Variants in RBMS3 observed in about 807,000 individuals in gnomAD.
The protein encoded by RBMS3 is RNA-binding motif, single-stranded-interacting protein 3.
Under a neutral mutation model 66.8 loss-of-function variants are expected in RBMS3, and 27 were observed. The observed-to-expected ratio is 0.40, with a 90% CI of 0.30 to 0.56. RBMS3 has a LOEUF of 0.56. Among genes scored for constraint, RBMS3 ranks in the 20% least tolerant of loss-of-function variants. The pLI, the probability that RBMS3 is intolerant of heterozygous loss-of-function variation, is 0.40. For synonymous variants in RBMS3, 188 were observed against 183.0 expected, an observed-to-expected ratio of 1.03 and a Z score of -0.22; for missense variants, 513 against 549.5, an observed-to-expected ratio of 0.93 and a Z score of 0.66.
In RBMS3 at chr3:29,671,693, A is replaced by G. The variant is rs532766016; in HGVS notation, c.400-68027A>G. 2.0e-5 allele frequency among the ~76,000 whole-genome samples: 3 copies of G among 152,350 alleles called. No individual in the cohort carries two copies. The East Asian group carries it at 5.8e-4, about 29-fold the overall frequency. ...GAAGAAAGGGTATCAGTGATTGAAG[A>G]TCAAATTAATGAAATGAAGCGAGAA... On this transcript the variant is annotated intron_variant, in intron 4 of 14. Transcript: ENST00000383767.
intron 3 of RBMS3, among the ~76,000 whole-genome samples, chr3:29,563,829 A>C (rs2046641056): frequency 6.6e-6 from 1 of 152,024 alleles, no homozygotes; most frequent in South Asian, 2.1e-4. Context: ...GTTAAAGAGC[A>C]GTCTGGGCAA....
chr3:29,885,342 T>C (rs1193460351), intron 8 of RBMS3, among the ~76,000 whole-genome samples: 2 of 151,882 alleles, frequency 1.3e-5, no homozygotes, highest in African/African-American at 4.8e-5. Flanking sequence ...ATATATCCAA[T>C]AGGCATTTAC....
chr3:29,333,591 G>T (rs977228693), intron 1 of RBMS3, among the ~76,000 whole-genome samples: 8 of 152,148 alleles, frequency 5.3e-5, no homozygotes, highest in African/African-American at 1.9e-4. Context: ...AGGTGATTTA[G>T]TATAGTCCCT....
At chr3:29,924,055 G>T (rs1224948697) in intron 10 of RBMS3, among the ~76,000 whole-genome samples, 1 of 152,150 alleles carries the variant, frequency 6.6e-6, no homozygotes, top group Non-Finnish European at 1.5e-5. Context: ...CAAACTGATT[G>T]CAAATAAATG....
rs562134860 is a variant in RBMS3 at position 29,370,146 on chromosome 3, A to T, written c.76-64597A>T. ...GTCTATAGATGTAAAGAATTTGAAC[A>T]ACCAAGTTGTCTCGTATTTTCTCTA... On this transcript the variant is annotated intron_variant, in intron 1 of 14. Coordinates refer to ENST00000383767, the MANE Select transcript of RBMS3 (RefSeq NM_001003793.3). 7.2e-5 allele frequency among the ~76,000 whole-genome samples: 11 copies of T among 152,332 alleles called. No individual in the cohort carries two copies. The South Asian group carries it at 2.3e-3, about 32-fold the overall frequency.
intron 4 of RBMS3, among the ~76,000 whole-genome samples, chr3:29,631,472 C>T (rs1360957569): frequency 6.6e-6 from 1 of 151,676 alleles, no homozygotes; most frequent in African/African-American, 2.4e-5. Context: ...GTTCAAATTT[C>T]CATAGAAGAT....
Position 29,988,144 on chromosome 3 carries a change from A to T in RBMS3, c.1100A>T (p.Tyr367Phe). ...IMILHQLLCQ[Y>F]MTAAAPMQGT... ...GCATTTTTCTTTGATTCTCTCTAGT[A>T]TATGACTGCTGCTGCTCCTATGCAA... The change falls in exon 13 of 15, where the codon TAT becomes TTT. Residue 367 changes from tyrosine to phenylalanine, a missense_variant and splice_region_variant. Coordinates refer to ENST00000383767, the MANE Select transcript of RBMS3 (RefSeq NM_001003793.3). The T allele has an allele frequency of 4.3e-6, 7 of 1,610,298 alleles. No homozygotes were observed. The highest frequency in any genetic ancestry group is 5.9e-6 in the Non-Finnish European group (7 of 1,176,614).
chr3:29,663,675 A>G (rs1351903901), intron 4 of RBMS3, among the ~76,000 whole-genome samples: 1 of 152,128 alleles, frequency 6.6e-6, no homozygotes, highest in Non-Finnish European at 1.5e-5. Context: ...AGCTTCTGTT[A>G]TTTTTCTGAC....
rs745358858 is a variant in RBMS3, at chr3:29,580,613, G to GT, written c.308-6492dup. On this transcript the variant is annotated intron_variant, in intron 3 of 14. Transcript: ENST00000383767. ...CTTTGTCAAGAAAAGCCATGTTAGA[G>GT]TTTTTTTTTCCTTACAGCATCTGGC... 9.6e-4 allele frequency among the ~76,000 whole-genome samples: 145 copies of GT among 150,286 alleles called. 2 individuals are homozygous for GT. The East Asian group carries it at 0.014, about 15-fold the overall frequency.
chr3:29,502,316 A>G (rs547802521), intron 3 of RBMS3, among the ~76,000 whole-genome samples: 8 of 152,192 alleles, frequency 5.3e-5, no homozygotes, highest in South Asian at 2.1e-4. Flanking sequence ...CAAACATCAA[A>G]TGGTCATCCA....
chr3:29,567,869 T>C (rs1245327791), intron 3 of RBMS3, among the ~76,000 whole-genome samples: 1 of 152,186 alleles, frequency 6.6e-6, no homozygotes, highest in Non-Finnish European at 1.5e-5. Flanking sequence ...TTCCAAATTA[T>C]TCCTGTAAAA....
chr3:29,788,371 A>G (rs1045340710), intron 6 of RBMS3, among the ~76,000 whole-genome samples: 10 of 152,192 alleles, frequency 6.6e-5, no homozygotes, highest in Middle Eastern at 3.4e-3. Flanking sequence ...TAATACAGGC[A>G]TGTGCCACCA....
chr3:30,008,332 T>C lies in RBMS3; in HGVS notation c.*4470T>C, dbSNP rs550178221. ...GCATGAACCACTGCAGATGAGCTGA[T>C]AAGCAGAAATTCTCAAGTGGGTTTC... On this transcript the variant is annotated 3_prime_UTR_variant, in exon 15 of 15. Coordinates refer to ENST00000383767, the MANE Select transcript of RBMS3 (RefSeq NM_001003793.3). 215 of 131,770 alleles carry C rather than the reference T, an allele frequency of 1.6e-3. 1 individual carries two copies. The highest frequency in any genetic ancestry group is 6.2e-3 in the African/African-American group (203 of 32,488). The allele number at this position is 131,770 out of a possible 1,614,324, so 8.2% of individuals were successfully genotyped here. A position where few individuals can be genotyped will look rare whatever the true frequency, so the allele number is the denominator to read the frequency against.
chr3:29,884,470 C>CTCTCTCTCTA (rs1491200120), intron 8 of RBMS3, among the ~76,000 whole-genome samples: 2 of 70,498 alleles, frequency 2.8e-5, no homozygotes, highest in African/African-American at 9.8e-5. Flanking sequence ...CTCTCTCTCT[C>CTCTCTCTCTA]CCCCCCCGCT....
intron 6 of RBMS3, among the ~76,000 whole-genome samples, chr3:29,768,239 G>T (rs1212446095): frequency 6.6e-6 from 1 of 151,912 alleles, no homozygotes; most frequent in African/African-American, 2.4e-5. Flanking sequence ...TCACAGAGCA[G>T]CTGGACAACA....
At chr3:29,547,003 G>T (rs1222778760) in intron 3 of RBMS3, among the ~76,000 whole-genome samples, 2 of 152,150 alleles carry the variant, frequency 1.3e-5, no homozygotes, top group East Asian at 3.9e-4. Context: ...TAGAGACAGG[G>T]TCCCACTGGT....
At chr3:29,959,778 A>G (rs1014733933) in intron 12 of RBMS3, among the ~76,000 whole-genome samples, 5 of 152,238 alleles carry the variant, frequency 3.3e-5, no homozygotes, top group Non-Finnish European at 7.4e-5. Context: ...AGAAGTGCCA[A>G]GCAAAGTGGG....
chr3:29,284,869 T>TC (rs916651009), intron 1 of RBMS3, among the ~76,000 whole-genome samples: 17 of 138,632 alleles, frequency 1.2e-4, no homozygotes, highest in Non-Finnish European at 1.5e-4. Context: ...TTTCTTTTTT[T>TC]TTTTTTTTTT....
At chr3:29,545,845 C>A (rs2045929372) in intron 3 of RBMS3, among the ~76,000 whole-genome samples, 1 of 152,130 alleles carries the variant, frequency 6.6e-6, no homozygotes, top group Admixed American at 6.5e-5. Flanking sequence ...CTAGAGAAAG[C>A]TCAAAGGCTG....
Sources: gnomAD v4.1 joint callset for allele counts (sites outside exome capture counted in the v4.1 genomes callset) on GRCh38, gnomAD v4.1.1 for gene constraint, MANE v1.5 for transcripts, NCBI Gene and HGNC (gene_info 2026-07-23, HGNC 2026-07-21) for gene names.